Variants in PRSS38 observed in about 807,000 individuals in gnomAD.
The protein encoded by PRSS38 is serine protease 38, also known as marapsin 2.
A neutral mutation model predicts 26.8 loss-of-function variants in PRSS38; 22 were observed. That is an observed-to-expected ratio of 0.82 (90% CI 0.59 to 1.17). The LOEUF is 1.17. PRSS38 is among the 50% of genes most tolerant of loss of function. The probability of loss-of-function intolerance (pLI) is 0.00; values close to 1 mark genes in which losing one functional copy is unlikely to be tolerated. For synonymous variants in PRSS38, 175 were observed against 172.1 expected (o/e 1.02, Z -0.13); for missense variants, 427 against 422.7 (o/e 1.01, Z -0.09).
At chr1:227,839,219 T>G (rs553926947) in intron 3 of PRSS38, among the ~76,000 whole-genome samples, 4 of 152,168 alleles carry the variant, frequency 2.6e-5, no homozygotes, top group Non-Finnish European at 5.9e-5. Context: ...CAGCAATTTG[T>G]GAGGCTGAGG....
intron 3 of PRSS38, among the ~76,000 whole-genome samples, chr1:227,820,935 T>C (rs920966237): frequency 6.6e-6 from 1 of 152,220 alleles, no homozygotes; most frequent in African/African-American, 2.4e-5. Context: ...TTCTTCTGTG[T>C]AAGTTTAGAT....
At chr1:227,833,860 CTGT>C (rs975589096) in intron 3 of PRSS38, among the ~76,000 whole-genome samples, 1 of 152,172 alleles carries the variant, frequency 6.6e-6, no homozygotes, top group Non-Finnish European at 1.5e-5. Context: ...TAGAATAAAA[CTGT>C]TGTTGGTTGA....
intron 3 of PRSS38, among the ~76,000 whole-genome samples, chr1:227,826,758 C>T (rs1243522951): frequency 1.3e-5 from 2 of 151,822 alleles, no homozygotes; most frequent in African/African-American, 2.4e-5. Context: ...TCTCTTGTGA[C>T]GGTTTTCAAG....
At position 227,822,364 on chromosome 1, in the gene PRSS38, G is replaced by A. The variant is rs141986596; in HGVS notation, c.583+4884G>A. ...TCCACTTATTTTGTTTTCTTAAGTG[G>A]GCCATAGTTTTTTTCTGATTTTTGT... is the stretch of plus-strand genomic sequence containing the variant. On this transcript the variant is annotated intron_variant, in intron 3 of 4. Coordinates refer to ENST00000366757, the Ensembl canonical transcript of PRSS38. Among the ~76,000 whole-genome samples, 145 of 151,760 alleles carry A rather than the reference G, an allele frequency of 9.6e-4. 2 individuals carry two copies. Among genetic ancestry groups the A allele is most frequent in the African/African-American group, 3.3e-3 (135 of 41,370 alleles).
intron 3 of PRSS38, among the ~76,000 whole-genome samples, chr1:227,830,444 T>C (rs1456001898): frequency 2.0e-5 from 3 of 151,700 alleles, no homozygotes; most frequent in Non-Finnish European, 4.4e-5. Context: ...CTTTTACTTT[T>C]TCTTATACAG....
At chr1:227,845,651 G>T (rs1427488012) in intron 4 of PRSS38, 39 bp downstream of exon 4, 1 of 1,597,724 alleles carries the variant, frequency 6.3e-7, no homozygotes, top group Non-Finnish European at 8.6e-7. Context: ...GGTCATGGGT[G>T]CCCTGTGCCT....
intron 3 of PRSS38, among the ~76,000 whole-genome samples, chr1:227,839,413 T>C (rs1462344844): frequency 6.6e-6 from 1 of 150,520 alleles, no homozygotes; most frequent in African/African-American, 2.5e-5. Flanking sequence ...CAGGCTGCAG[T>C]GAGCCATAAT....
intron 3 of PRSS38, among the ~76,000 whole-genome samples, chr1:227,817,833 A>G (rs1393631449): frequency 6.6e-6 from 1 of 152,216 alleles, no homozygotes; most frequent in Admixed American, 6.5e-5. Flanking sequence ...AGGCCTGTGC[A>G]TTCTTTCTAG....
intron 4 of PRSS38, 151 bp downstream of exon 4, chr1:227,845,763 C>G: frequency 1.7e-6 from 2 of 1,200,026 alleles, no homozygotes; most frequent in Non-Finnish European, 2.3e-6. Flanking sequence ...GTGTGAACGC[C>G]GCATGCCTGC....
At chr1:227,833,593 T>C (rs752274236) in intron 3 of PRSS38, among the ~76,000 whole-genome samples, 2 of 151,650 alleles carry the variant, frequency 1.3e-5, no homozygotes, top group African/African-American at 2.4e-5. Flanking sequence ...GAAGCTGCAA[T>C]AGTCAAAATC....
chr1:227,839,024 C>A (rs1665277809), intron 3 of PRSS38, among the ~76,000 whole-genome samples: 1 of 152,128 alleles, frequency 6.6e-6, no homozygotes, highest in South Asian at 2.1e-4. Flanking sequence ...AGTGTTCTGG[C>A]AGCACAAATT....
exon 5 of PRSS38, chr1:227,846,157 G>A (rs1202225458): frequency 6.2e-7 from 1 of 1,613,474 alleles, no homozygotes; most frequent in Non-Finnish European, 8.5e-7. Context: ...CAGCTCTGGG[G>A]CCCACTCTCA....
At chr1:227,845,367 C>A in intron 3 of PRSS38, 103 bp from the exon 4 acceptor site, 1 of 751,998 alleles carries the variant, frequency 1.3e-6, no homozygotes, top group Non-Finnish European at 2.2e-6. Context: ...TATAGTGGGG[C>A]TCCTCTCCAT....
At chr1:227,845,485 A>C in exon 4 of PRSS38, 3 of 1,611,524 alleles carry the variant, frequency 1.9e-6, no homozygotes, top group Non-Finnish European at 2.5e-6. Context: ...ACCTCAGACG[A>C]GCTGCAGGAG....
At chr1:227,840,076 A>G (rs539053318) in intron 3 of PRSS38, among the ~76,000 whole-genome samples, 2 of 152,256 alleles carry the variant, frequency 1.3e-5, no homozygotes, top group Admixed American at 1.3e-4. Flanking sequence ...GATCCACTCC[A>G]TTGCTTGGTT....
intron 3 of PRSS38, among the ~76,000 whole-genome samples, chr1:227,837,272 G>T (rs1665251209): frequency 6.6e-6 from 1 of 152,182 alleles, no homozygotes; most frequent in South Asian, 2.1e-4. Context: ...CCTTGCCAAG[G>T]TAAACACTAT....
intron 3 of PRSS38, among the ~76,000 whole-genome samples, chr1:227,821,253 A>C (rs1411836106): frequency 6.6e-6 from 1 of 151,950 alleles, no homozygotes; most frequent in Non-Finnish European, 1.5e-5. Context: ...CATGGTATAC[A>C]TGTATCACAT....
chr1:227,821,129 C>T (rs1276382739), intron 3 of PRSS38, among the ~76,000 whole-genome samples: 1 of 152,044 alleles, frequency 6.6e-6, no homozygotes, highest in Non-Finnish European at 1.5e-5. Context: ...TGAGTGAGAA[C>T]ATGTGGTGTT....
At chr1:227,819,371 G>C (rs911361451) in intron 3 of PRSS38, among the ~76,000 whole-genome samples, 2 of 152,090 alleles carry the variant, frequency 1.3e-5, no homozygotes, top group Non-Finnish European at 2.9e-5. Flanking sequence ...GAAGATTATA[G>C]CTTTCAAAGT....
Sources: allele counts gnomAD v4.1 joint callset (sites outside exome capture counted in the v4.1 genomes callset), GRCh38; gene constraint gnomAD v4.1.1; transcripts MANE v1.5; gene names NCBI Gene and HGNC (gene_info 2026-07-23, HGNC 2026-07-21).